Variants in NLRC4 observed in about 807,000 individuals in gnomAD.
The protein encoded by NLRC4 is NLR family CARD domain containing 4.
Under a neutral mutation model 79.9 loss-of-function variants are expected in NLRC4, and 63 were observed. The observed-to-expected ratio is 0.79, with a 90% CI of 0.64 to 0.97. The LOEUF (loss-of-function observed/expected upper bound fraction) is 0.97. NLRC4 is among the 50% of genes least tolerant of loss of function. The pLI, the probability that NLRC4 is intolerant of heterozygous loss-of-function variation, is 0.00. For missense variants in NLRC4, 1,074 were observed against 1,215.2 expected (o/e 0.88, Z 1.73); for synonymous variants, 461 against 456.5 (o/e 1.01, Z -0.12).
chr2:32,226,072 T>C (rs1296864795), intron 8 of NLRC4, among the ~76,000 whole-genome samples: 1 of 152,204 alleles, frequency 6.6e-6, no homozygotes, highest in African/African-American at 2.4e-5. Flanking sequence ...GATTCGGTGC[T>C]GTACAACCTT....
intron 4 of NLRC4, among the ~76,000 whole-genome samples, chr2:32,245,333 A>AAC (rs1553345676): frequency 1.9e-4 from 27 of 142,048 alleles, no homozygotes; most frequent in Non-Finnish European, 3.4e-4. Flanking sequence ...AAAAAAAAAA[A>AAC]CAGATGAATA....
At position 32,253,945 on chromosome 2, in the gene NLRC4, CAA is replaced by C. The variant is rs370173383; in HGVS notation, c.2-1268_2-1267del. On this transcript the variant is annotated intron_variant, in intron 2 of 8. Coordinates refer to ENST00000402280, the MANE Select transcript of NLRC4 (RefSeq NM_001199138.2). ...TGCCATTGCACTCCAGCCTGGGCAA[CAA>C]GAGCAAAACTCTGTCTCAAAAAAAA... 7.4e-4 allele frequency among the ~76,000 whole-genome samples: 77 copies of C among 104,324 alleles called. 1 individual carries two copies. In the East Asian group the frequency reaches 0.019, roughly 26 times the overall value. 68.4% of individuals were successfully genotyped at this position (104,324 alleles called of 152,430 possible). A position where few individuals can be genotyped will look rare whatever the true frequency, so the allele number is the denominator to read the frequency against.
At chr2:32,225,329 G>T (rs1367393500) in intron 8 of NLRC4, among the ~76,000 whole-genome samples, 1 of 151,980 alleles carries the variant, frequency 6.6e-6, no homozygotes, top group Non-Finnish European at 1.5e-5. Flanking sequence ...GGCACCTAAA[G>T]TATTTCCTAC....
chr2:32,249,589 C>T lies in NLRC4; in HGVS notation c.2257+18G>A. 6.5e-7 allele frequency: 1 copy of T among 1,535,136 alleles called. No individual in the cohort carries two copies. The highest frequency in any genetic ancestry group is 8.8e-7 in the Non-Finnish European group (1 of 1,137,856). ...TTTTTTAAGTGAACAAAGCACAAACCACTGATATTTACAATACCCGGCAGC... is the reference window on the plus strand; with the variant it reads ...TTTTTTAAGTGAACAAAGCACAAACTACTGATATTTACAATACCCGGCAGC... On this transcript the variant is annotated intron_variant, in intron 4 of 8. Coordinates refer to ENST00000402280, the MANE Select transcript of NLRC4 (RefSeq NM_001199138.2).
At chr2:32,261,339 G>T (rs1456417480) in intron 1 of NLRC4, among the ~76,000 whole-genome samples, 7 of 29,280 alleles carry the variant, frequency 2.4e-4, no homozygotes, top group Non-Finnish European at 4.8e-4. Flanking sequence ...TTGAGATGGA[G>T]CCTCGCTCTG....
intron 2 of NLRC4, among the ~76,000 whole-genome samples, chr2:32,253,917 T>C (rs2148944665): frequency 7.1e-6 from 1 of 139,990 alleles, no homozygotes; most frequent in South Asian, 2.2e-4. Context: ...TGAGCCGAGA[T>C]GGTGCCATTG....
At chr2:32,230,339 TTTTG>T (rs569783334) in intron 8 of NLRC4, among the ~76,000 whole-genome samples, 68 of 152,276 alleles carry the variant, frequency 4.5e-4, no homozygotes, top group Middle Eastern at 3.4e-3. Context: ...ATTCACTGTT[TTTTG>T]TTTGTTTGTT....
At chr2:32,257,898 A>G (rs1050764693) in intron 1 of NLRC4, among the ~76,000 whole-genome samples, 15 of 152,114 alleles carry the variant, frequency 9.9e-5, no homozygotes, top group African/African-American at 3.6e-4. Flanking sequence ...CTGAAGCCCC[A>G]GTGGGTGTGT....
At chr2:32,260,229 A>AAT (rs1687311157) in intron 1 of NLRC4, among the ~76,000 whole-genome samples, 1 of 151,228 alleles carries the variant, frequency 6.6e-6, no homozygotes, top group Non-Finnish European at 1.5e-5. Flanking sequence ...AAAAAAAAAA[A>AAT]AAAACAACGA....
At chr2:32,245,864 C>T (rs1395586338) in intron 4 of NLRC4, among the ~76,000 whole-genome samples, 2 of 152,144 alleles carry the variant, frequency 1.3e-5, no homozygotes, top group Non-Finnish European at 2.9e-5. Context: ...ATAATGTTGG[C>T]TATCGTTATG....
intron 8 of NLRC4, among the ~76,000 whole-genome samples, chr2:32,231,561 C>T (rs981505489): frequency 1.1e-5 from 1 of 93,964 alleles, no homozygotes; most frequent in African/African-American, 4.8e-5. Flanking sequence ...CTTTCTTTTT[C>T]TATTTTTTTT....
chr2:32,235,562 C>A lies in NLRC4; in HGVS notation c.2621G>T (p.Arg874Met), dbSNP rs1168943941. Residue 874 changes from arginine (R) to methionine (M), a missense_variant, in exon 8 of 9, where the codon AGG (arginine) becomes ATG (methionine). Coordinates refer to ENST00000402280, the MANE Select transcript of NLRC4 (RefSeq NM_001199138.2). ...GGTGAGCTGTTCTAGCACGTTCATC[C>A]TGTCGACTGGAAGAAACAAAGAGCA... Reference protein sequence around the residue: ...GNEALHELIDRMNVLEQLTAL... With the variant: ...GNEALHELIDMMNVLEQLTAL... 1 of 1,613,250 alleles carries A rather than the reference C, an allele frequency of 6.2e-7. No homozygotes were observed. The highest frequency in any genetic ancestry group is 1.3e-5 in the African/African-American group (1 of 75,046).
At chr2:32,246,879 G>A (rs950302071) in intron 4 of NLRC4, among the ~76,000 whole-genome samples, 4 of 152,148 alleles carry the variant, frequency 2.6e-5, no homozygotes. Context: ...GGGCTCAAGT[G>A]ATCCTCCCAC....
intron 5 of NLRC4, among the ~76,000 whole-genome samples, chr2:32,240,189 C>A (rs1014361894): frequency 6.6e-6 from 1 of 152,070 alleles, no homozygotes; most frequent in African/African-American, 2.4e-5. Context: ...CCATGTTGGC[C>A]AGGCTGGTCT....
At chr2:32,261,310 T>TC (rs777906589) in intron 1 of NLRC4, among the ~76,000 whole-genome samples, 4 of 104,514 alleles carry the variant, frequency 3.8e-5, no homozygotes, top group South Asian at 3.0e-4. Flanking sequence ...CTATTAAGCC[T>TC]CCCCCCTTTT....
At chr2:32,234,372 ACT>A (rs1278331968) in intron 8 of NLRC4, among the ~76,000 whole-genome samples, 5 of 151,920 alleles carry the variant, frequency 3.3e-5, no homozygotes, top group Admixed American at 6.6e-5. Context: ...ACAGAGCAAG[ACT>A]CTGTCTAAAA....
Position 32,250,507 on chromosome 2 carries a change from G to A in NLRC4, c.1357C>T (p.Arg453Ter), listed in dbSNP as rs765641913. ...GACGTCAATAAACTGCTGAGTCTTC[G>A]TCCTGCTGTGTACTCCTGGAATGAC... Reference protein sequence around the residue: ...HKSFQEYTAGRRLSSLLTSHE... With the variant: ...HKSFQEYTAG The change falls in exon 4 of 9, where the codon CGA becomes TGA. Residue 453 changes from arginine to a stop codon, truncating the protein, a stop_gained. Transcript: ENST00000402280. LOFTEE classifies it high-confidence loss of function. The surrounding 1 kb of genome is among the most constrained non-coding windows in gnomAD (Gnocchi z 4.9). 27 of 1,614,052 alleles carry A rather than the reference G, an allele frequency of 1.7e-5. No individual in the cohort carries two copies. The highest frequency in any genetic ancestry group is 1.6e-4 in the Middle Eastern group (1 of 6,084).
In NLRC4 at chr2:32,250,213, T is replaced by A. The variant is rs781002536; in HGVS notation, c.1651A>T (p.Ile551Phe). Residue 551 changes from isoleucine (I) to phenylalanine (F), a missense_variant, in exon 4 of 9, where the codon ATC (isoleucine) becomes TTC (phenylalanine). Coordinates refer to ENST00000402280, the MANE Select transcript of NLRC4 (RefSeq NM_001199138.2). This position sits in a 1 kb window ranked among gnomAD's most constrained non-coding sequence, Gnocchi z 4.9. ...ATGCCACACTCTACAAAGGAATTGATGTTTATGGCTTTCAGAATTTCTTGC... is the reference window on the plus strand; with the variant it reads ...ATGCCACACTCTACAAAGGAATTGAAGTTTATGGCTTTCAGAATTTCTTGC... The part of the protein sequence containing the change: ...TEQEILKAIN[I>F]NSFVECGIHL... 6.0e-5 allele frequency: 97 copies of A among 1,614,128 alleles called. No individual in the cohort carries two copies. Among genetic ancestry groups the A allele is most frequent in the Non-Finnish European group, 8.0e-5 (94 of 1,180,056 alleles).
rs551281288 is a variant in NLRC4 at position 32,264,852 on chromosome 2, T to C, written c.-233A>G. 2.6e-5 allele frequency: 4 copies of C among 152,232 alleles called. No homozygotes were observed. The highest frequency in any genetic ancestry group is 7.2e-5 in the African/African-American group (3 of 41,560). The allele number at this position is 152,232 out of a possible 1,614,324, so 9.4% of individuals were successfully genotyped here. A position where few individuals can be genotyped will look rare whatever the true frequency, so the allele number is the denominator to read the frequency against. On this transcript the variant is annotated 5_prime_UTR_variant, in exon 1 of 9. Coordinates refer to ENST00000402280, the MANE Select transcript of NLRC4 (RefSeq NM_001199138.2). ...AGGCCTCGAGTTCTTGTAGACCAGA[T>C]ACCTTCTTGTTCTGTGAGAGGACAG... is the stretch of plus-strand genomic sequence containing the variant.
Sources: gnomAD v4.1 joint callset for allele counts (sites outside exome capture counted in the v4.1 genomes callset) on GRCh38, gnomAD v4.1.1 for gene constraint, Gnocchi (gnomAD v3.1) non-coding constraint, MANE v1.5 for transcripts, NCBI Gene and HGNC (gene_info 2026-07-23, HGNC 2026-07-21) for gene names.